LRP1B: variants seen among roughly 807,000 people sequenced by gnomAD.
LRP1B encodes LDL receptor related protein 1B.
Under a neutral mutation model 556.6 loss-of-function variants are expected in LRP1B, and 217 were observed. The ratio of observed to expected loss-of-function variants is 0.39; its 90% CI spans 0.35 to 0.44. The LOEUF (loss-of-function observed/expected upper bound fraction) is 0.44. Ranked by LOEUF, LRP1B falls within the 20% of genes least tolerant of loss-of-function variation. LRP1B has a pLI of 1.00. For synonymous variants in LRP1B, 2,047 were observed against 1,865.8 expected, an observed-to-expected ratio of 1.10 and a Z score of -2.50; for missense variants, 5,053 against 5,620.8, an observed-to-expected ratio of 0.90 and a Z score of 3.23.
intron 3 of LRP1B, among the ~76,000 whole-genome samples, chr2:141,288,394 G>T (rs949766172): frequency 1.3e-5 from 2 of 151,918 alleles, no homozygotes; most frequent in African/African-American, 2.4e-5. Context: ...CCTCCACAAT[G>T]CAGTGAAAAT....
At chr2:140,305,496 T>G (rs1355224954) in intron 83 of LRP1B, among the ~76,000 whole-genome samples, 1 of 152,214 alleles carries the variant, frequency 6.6e-6, no homozygotes, top group East Asian at 1.9e-4. Context: ...TTTTGCACAT[T>G]GATTTTGTAT....
chr2:140,937,016 C>T (rs190022897), intron 20 of LRP1B, among the ~76,000 whole-genome samples: 14 of 152,112 alleles, frequency 9.2e-5, no homozygotes, highest in Non-Finnish European at 8.8e-5. Context: ...TGAAGTTAAA[C>T]TGCTATAAAT....
intron 2 of LRP1B, among the ~76,000 whole-genome samples, chr2:141,763,455 C>A (rs1343592425): frequency 6.6e-6 from 1 of 152,032 alleles, no homozygotes; most frequent in African/African-American, 2.4e-5. Context: ...GCTCCCCCGA[C>A]AGTATAAAAC....
chr2:141,089,820 C>T (rs1246992814), intron 7 of LRP1B, among the ~76,000 whole-genome samples: 1 of 152,200 alleles, frequency 6.6e-6, no homozygotes, highest in Non-Finnish European at 1.5e-5. Context: ...CTGTAAGAGA[C>T]AGTGCTTCGC....
intron 66 of LRP1B, among the ~76,000 whole-genome samples, chr2:140,386,632 C>T (rs766963778): frequency 2.0e-4 from 30 of 152,282 alleles, no homozygotes; most frequent in Admixed American, 3.3e-4. Context: ...AAAGTATTAA[C>T]TAGCCTTTCA....
intron 3 of LRP1B, among the ~76,000 whole-genome samples, chr2:141,320,179 G>T (rs1687184914): frequency 6.6e-6 from 1 of 152,054 alleles, no homozygotes; most frequent in African/African-American, 2.4e-5. Flanking sequence ...ATCCAAAGAA[G>T]TATAATGCCC....
intron 6 of LRP1B, among the ~76,000 whole-genome samples, chr2:141,210,419 T>C (rs951663868): frequency 3.3e-5 from 5 of 152,202 alleles, no homozygotes; most frequent in South Asian, 4.1e-4. Flanking sequence ...CTTTTCTTTG[T>C]TCACTTTTCT....
chr2:141,693,934 T>A (rs1691637043), intron 2 of LRP1B, among the ~76,000 whole-genome samples: 1 of 152,104 alleles, frequency 6.6e-6, no homozygotes, highest in Admixed American at 6.6e-5. Context: ...CCACATGAAT[T>A]GAGAAGTTTG....
At chr2:140,394,672 A>G (rs1684174283) in intron 66 of LRP1B, among the ~76,000 whole-genome samples, 1 of 152,180 alleles carries the variant, frequency 6.6e-6, no homozygotes, top group Non-Finnish European at 1.5e-5. Context: ...AAATGTGATA[A>G]CTTCTAGACA....
chr2:142,091,481 A>T (rs1373862437), intron 1 of LRP1B, among the ~76,000 whole-genome samples: 2 of 152,156 alleles, frequency 1.3e-5, no homozygotes, highest in African/African-American at 4.8e-5. Context: ...AAAACTTCCA[A>T]GCTCTCCTTC....
In LRP1B at chr2:141,229,186, G is replaced by C. The variant is rs1037245912; in HGVS notation, c.847C>G (p.His283Asp). The C allele has an allele frequency of 6.2e-7, 1 of 1,612,792 alleles. No individual in the cohort carries two copies. Among genetic ancestry groups the C allele is most frequent in the South Asian group, 1.1e-5 (1 of 90,918 alleles). ...EWTINILQSFHNVQQMAIDWL... is the reference protein window; with the variant it reads ...EWTINILQSFDNVQQMAIDWL... ...AATATTTAATTGAAACACTTACTGT[G>C]GAAGGATTGAAGAATATTGATTGTC... The change falls in exon 6 of 91, where the codon CAC becomes GAC. Residue 283 changes from histidine (H) to aspartate (D), a missense_variant. By Grantham distance (81) the His-to-Asp change is moderately conservative. Coordinates refer to ENST00000389484, the MANE Select transcript of LRP1B (RefSeq NM_018557.3).
chr2:141,422,729 T>C (rs991418112), intron 3 of LRP1B, among the ~76,000 whole-genome samples: 1 of 152,256 alleles, frequency 6.6e-6, no homozygotes, highest in African/African-American at 2.4e-5. Context: ...CTTCTCTTCC[T>C]GACTCTCCAT....
intron 83 of LRP1B, among the ~76,000 whole-genome samples, chr2:140,307,597 T>G (rs1684122233): frequency 6.6e-6 from 1 of 151,830 alleles, no homozygotes; most frequent in African/African-American, 2.4e-5. Flanking sequence ...GATAAATAAC[T>G]GCATGGATAT....
At chr2:141,817,160 C>T (rs1696586218) in intron 1 of LRP1B, among the ~76,000 whole-genome samples, 2 of 152,134 alleles carry the variant, frequency 1.3e-5, no homozygotes, top group South Asian at 4.1e-4. Flanking sequence ...CTATTTAATG[C>T]TTCATCCCAC....
chr2:141,701,672 T>C (rs1454334329), intron 2 of LRP1B, among the ~76,000 whole-genome samples: 4 of 151,830 alleles, frequency 2.6e-5, no homozygotes, highest in Non-Finnish European at 2.9e-5. Flanking sequence ...ATTTAATAAA[T>C]GATATTAATT....
intron 3 of LRP1B, among the ~76,000 whole-genome samples, chr2:141,339,477 C>G (rs767237780): frequency 6.6e-6 from 1 of 152,036 alleles, no homozygotes; most frequent in Non-Finnish European, 1.5e-5. Flanking sequence ...AGATGTATGC[C>G]AGTCAGCAAG....
chr2:141,484,984 A>G (rs1196973412), intron 2 of LRP1B, among the ~76,000 whole-genome samples: 2 of 152,190 alleles, frequency 1.3e-5, no homozygotes, highest in Non-Finnish European at 2.9e-5. Context: ...ACTGAGGAAC[A>G]TGATAGCAGG....
At position 140,928,371 on chromosome 2, in the gene LRP1B, T is replaced by C. The variant is rs149244866; in HGVS notation, c.3137-5224A>G. ...GCTGCATCTTACACACATATACAAC[T>C]TAATTATGGCTCATTTTACATATCT... On this transcript the variant is annotated intron_variant, in intron 20 of 90. Transcript: ENST00000389484. Among the ~76,000 whole-genome samples the C allele has an allele frequency of 1.1e-3, 163 of 152,250 alleles. 1 individual carries two copies. The highest frequency in any genetic ancestry group is 3.6e-3 in the African/African-American group (150 of 41,562).
chr2:140,715,568 G>A (rs1484759235), intron 37 of LRP1B, among the ~76,000 whole-genome samples: 1 of 151,932 alleles, frequency 6.6e-6, no homozygotes, highest in African/African-American at 2.4e-5. Flanking sequence ...CAAAAGTTTG[G>A]GATGAACATG....
Sources: gnomAD v4.1 joint callset for allele counts (sites outside exome capture counted in the v4.1 genomes callset) on GRCh38, gnomAD v4.1.1 for gene constraint, MANE v1.5 for transcripts, NCBI Gene and HGNC (gene_info 2026-07-23, HGNC 2026-07-21) for gene names.